Variants in FRY observed in about 807,000 individuals in gnomAD.
FRY encodes protein furry homolog.
In FRY, 128 loss-of-function variants were observed where a neutral mutation model predicts 348.4. The observed-to-expected ratio is 0.37, with a 90% CI of 0.32 to 0.43. FRY has a LOEUF of 0.43. Among genes scored for constraint, FRY ranks in the 20% least tolerant of loss-of-function variants. The pLI, the probability that FRY is intolerant of heterozygous loss-of-function variation, is 1.00. For synonymous variants in FRY, 1,370 were observed against 1,374.7 expected, an observed-to-expected ratio of 1.00 and a Z score of 0.08; for missense variants, 2,736 against 3,695.2, an observed-to-expected ratio of 0.74 and a Z score of 6.73.
intron 59 of FRY, among the ~76,000 whole-genome samples, 179 bp from the exon 60 acceptor site, chr13:32,294,189 A>G (rs1449561253): frequency 6.6e-6 from 1 of 152,176 alleles, no homozygotes; most frequent in Non-Finnish European, 1.5e-5. Context: ...TACTCAATGC[A>G]TCCAACTCCA....
At chr13:32,155,044 G>A (rs1251455248) in intron 14 of FRY, among the ~76,000 whole-genome samples, 5 of 152,174 alleles carry the variant, frequency 3.3e-5, no homozygotes, top group South Asian at 4.1e-4. Context: ...AGTTGAGAGC[G>A]GGTGATGTTC....
chr13:32,062,973 A>G (rs1874033836), intron 1 of FRY, among the ~76,000 whole-genome samples: 1 of 151,886 alleles, frequency 6.6e-6, no homozygotes, highest in African/African-American at 2.4e-5. Context: ...TATATATTTT[A>G]TAATAGAATG....
chr13:32,147,357 A>C lies in FRY; in HGVS notation c.1255A>C (p.Lys419Gln). Reference sequence around the variant, plus strand: ...ACTTTGGGTTTACATGATTCGAATTAAATGTGAAAGCAACACAGCTACTCA... The same window carrying C: ...ACTTTGGGTTTACATGATTCGAATTCAATGTGAAAGCAACACAGCTACTCA... ...RLLWVYMIRI[K>Q]CESNTATQSR... Residue 419 changes from lysine (K) to glutamine (Q), a missense_variant, in exon 12 of 61, where the codon AAA becomes CAA. This residue lies in a region of FRY where 191 missense variants were observed against 370.2 expected (regional missense o/e 0.52). Transcript: ENST00000542859. 1 of 1,609,212 alleles carries C rather than the reference A, an allele frequency of 6.2e-7. No individual in the cohort carries two copies. Among genetic ancestry groups the C allele is most frequent in the Non-Finnish European group, 8.5e-7 (1 of 1,175,496 alleles).
At chr13:32,088,346 A>T (rs982804634) in intron 2 of FRY, among the ~76,000 whole-genome samples, 2 of 152,278 alleles carry the variant, frequency 1.3e-5, no homozygotes, top group African/African-American at 4.8e-5. Flanking sequence ...ACACTTGACA[A>T]CATACTGGCT....
chr13:32,039,431 G>T (rs1029083957), intron 1 of FRY, among the ~76,000 whole-genome samples: 4 of 152,068 alleles, frequency 2.6e-5, no homozygotes, highest in African/African-American at 7.2e-5. Flanking sequence ...GGTGATTACA[G>T]AGAAGGGCTA....
At chr13:32,271,717 C>T (rs542619158) in intron 55 of FRY, among the ~76,000 whole-genome samples, 1 of 152,320 alleles carries the variant, frequency 6.6e-6, no homozygotes, top group East Asian at 1.9e-4. Context: ...AGAAGATGAC[C>T]CCTTCCCCTG....
intron 42 of FRY, among the ~76,000 whole-genome samples, chr13:32,235,396 G>A (rs1009439124): frequency 1.3e-5 from 2 of 152,210 alleles, no homozygotes; most frequent in African/African-American, 2.4e-5. Context: ...GGCCATGGCG[G>A]GCAGATCACT....
chr13:32,049,176 G>A (rs1873187608), intron 1 of FRY, among the ~76,000 whole-genome samples: 1 of 152,182 alleles, frequency 6.6e-6, no homozygotes, highest in African/African-American at 2.4e-5. Flanking sequence ...GGAGGGAAGA[G>A]GCTGAGGGAT....
Position 32,150,837 on chromosome 13 carries a change from T to C in FRY, c.1479+1003T>C, listed in dbSNP as rs912870494. On this transcript the variant is annotated intron_variant, in intron 14 of 60. Transcript: ENST00000542859. ...ACCCAGGTCCCTGTTAGTCCCATGC[T>C]CCTTCCCACCACACCCCATATTCTC... Among the ~76,000 whole-genome samples the C allele has an allele frequency of 1.4e-4, 22 of 152,266 alleles. 1 individual carries two copies. Among genetic ancestry groups the C allele is most frequent in the Middle Eastern group, 3.4e-3 (1 of 294 alleles).
intron 50 of FRY, among the ~76,000 whole-genome samples, chr13:32,253,159 A>G (rs1363951949): frequency 6.6e-6 from 1 of 152,226 alleles, no homozygotes; most frequent in Non-Finnish European, 1.5e-5. Context: ...TCAGCTGAGG[A>G]AATCAGAAAT....
intron 1 of FRY, among the ~76,000 whole-genome samples, chr13:32,057,686 AT>A (rs1352086469): frequency 6.6e-6 from 1 of 152,166 alleles, no homozygotes; most frequent in Non-Finnish European, 1.5e-5. Flanking sequence ...TCAGCCGGGC[AT>A]GGTGGCTCAC....
chr13:32,149,160 T>C, intron 13 of FRY, among the ~76,000 whole-genome samples: 1 of 148,810 alleles, frequency 6.7e-6, no homozygotes, highest in East Asian at 1.9e-4. Flanking sequence ...TTTACATATA[T>C]TAATTATACA....
intron 2 of FRY, among the ~76,000 whole-genome samples, chr13:32,097,463 C>T (rs746848204): frequency 3.4e-5 from 5 of 148,834 alleles, no homozygotes; most frequent in Non-Finnish European, 5.9e-5. Flanking sequence ...CTGGTTCAAG[C>T]GATTCTCCCA....
chr13:32,051,161 A>G (rs1173442801), intron 1 of FRY, among the ~76,000 whole-genome samples: 1 of 152,168 alleles, frequency 6.6e-6, no homozygotes, highest in Admixed American at 6.5e-5. Context: ...GCTCAAAATT[A>G]TTTTATCCCA....
At chr13:32,224,426 C>T in intron 37 of FRY, 41 bp downstream of exon 37, 1 of 1,595,628 alleles carries the variant, frequency 6.3e-7, no homozygotes, top group South Asian at 1.1e-5. Flanking sequence ...TTAGCTTTGA[C>T]TGGACTTTTC....
At chr13:32,172,468 A>C (rs1882149260) in intron 18 of FRY, among the ~76,000 whole-genome samples, 1 of 152,198 alleles carries the variant, frequency 6.6e-6, no homozygotes. Flanking sequence ...AGGACAGTGC[A>C]GTCTTGTGGT....
At chr13:32,119,875 C>A (rs1188677345) in intron 4 of FRY, among the ~76,000 whole-genome samples, 1 of 152,196 alleles carries the variant, frequency 6.6e-6, no homozygotes, top group Non-Finnish European at 1.5e-5. Context: ...TCTGTTGATA[C>A]ATTTACTCCT....
At chr13:32,086,746 T>TA (rs547806798) in intron 2 of FRY, among the ~76,000 whole-genome samples, 8 of 150,432 alleles carry the variant, frequency 5.3e-5, no homozygotes, top group East Asian at 3.9e-4. Flanking sequence ...CTACTTGACT[T>TA]AAAAAAAAAA....
chr13:32,142,533 A>G (rs1880139256), intron 11 of FRY, among the ~76,000 whole-genome samples: 1 of 151,038 alleles, frequency 6.6e-6, no homozygotes, highest in South Asian at 2.2e-4. Flanking sequence ...GTTTACTTTG[A>G]GCAATTTATT....
Sources: allele counts gnomAD v4.1 joint callset (sites outside exome capture counted in the v4.1 genomes callset), GRCh38; gene constraint gnomAD v4.1.1; regional missense constraint gnomAD v4.1.1; transcripts MANE v1.5; gene names NCBI Gene and HGNC (gene_info 2026-07-23, HGNC 2026-07-21).